The following GNB5 variants were observed in gnomAD, a reference collection of about 807,000 sequenced individuals.
GNB5 encodes guanine nucleotide-binding protein subunit beta-5.
In GNB5, 37 loss-of-function variants were observed where a neutral mutation model predicts 55.3. That is an observed-to-expected ratio of 0.67 (90% CI 0.51 to 0.88). GNB5 has a LOEUF of 0.88. GNB5 is among the 40% of genes least tolerant of loss of function. GNB5 has a pLI of 0.00. For synonymous variants in GNB5, 219 were observed against 198.5 expected, an observed-to-expected ratio of 1.10 and a Z score of -0.87; for missense variants, 476 against 515.3, an observed-to-expected ratio of 0.92 and a Z score of 0.74.
intron 1 of GNB5, among the ~76,000 whole-genome samples, chr15:52,186,013 A>G (rs1229721719): frequency 6.6e-6 from 1 of 152,076 alleles, no homozygotes. Flanking sequence ...TCCTGACCTC[A>G]AGTTATCCAC....
At chr15:52,160,201 G>A (rs1375320218) in intron 3 of GNB5, among the ~76,000 whole-genome samples, 1 of 152,174 alleles carries the variant, frequency 6.6e-6, no homozygotes, top group African/African-American at 2.4e-5. Flanking sequence ...ACCCGCCTCT[G>A]CCTCCCAAAG....
In GNB5 at chr15:52,147,478, C is replaced by T; in HGVS notation, c.475G>A (p.Gly159Arg). 1 of 1,604,488 alleles carries T rather than the reference C, an allele frequency of 6.2e-7. No homozygotes were observed. The highest frequency in any genetic ancestry group is 8.5e-7 in the Non-Finnish European group (1 of 1,171,280). ...WVMACAYAPS[G>R]CAIACGGLDN... ...ACTTACCCACAAGCAATGGCACATC[C>T]CGATGGGGCATAAGCACATGCCATC... Residue 159 changes from glycine (G) to arginine (R), a missense_variant, in exon 6 of 13, where the codon GGA (glycine) becomes AGA (arginine). Coordinates refer to ENST00000261837, the MANE Select transcript of GNB5 (RefSeq NM_016194.4).
chr15:52,136,086 CACACACACACACAGGGAAAAGCAGAAA>C, intron 7 of GNB5, among the ~76,000 whole-genome samples: 1 of 145,690 alleles, frequency 6.9e-6, no homozygotes, highest in Non-Finnish European at 1.5e-5. Context: ...CACACACACA[CACACACACACACAGGGAAAAGCAGAAA>C]ACACACACAC....
At chr15:52,149,839 T>C (rs2034053402) in intron 5 of GNB5, 45 bp downstream of exon 5, 1 of 1,461,140 alleles carries the variant, frequency 6.8e-7, no homozygotes, top group Non-Finnish European at 9.6e-7. Flanking sequence ...TTAAGTAGGC[T>C]GGGATTCTGA....
At chr15:52,132,636 A>ATTTTTTTTTTTTTTTT (rs1216272462) in intron 9 of GNB5, among the ~76,000 whole-genome samples, 3 of 134,796 alleles carry the variant, frequency 2.2e-5, no homozygotes, top group Non-Finnish European at 3.2e-5. Flanking sequence ...TGCCCTGCTA[A>ATTTTTTTTTTTTTTTT]TTTTTTTTTT....
Position 52,119,139 on chromosome 15 carries a change from GGAGA to G in GNB5, c.*3614_*3617del, listed in dbSNP as rs1250372275. ...AGCAGAAGGGGAAGGAAGGAGACCA[GGAGA>G]GAGGTGGAACAGGGAGACAGAGGAA... is the stretch of plus-strand genomic sequence containing the variant. On this transcript the variant is annotated 3_prime_UTR_variant, in exon 13 of 13. Coordinates refer to ENST00000261837, the MANE Select transcript of GNB5 (RefSeq NM_016194.4). The G allele has an allele frequency of 2.1e-5, 3 of 144,158 alleles. No homozygotes were observed. The highest frequency in any genetic ancestry group is 7.9e-5 in the African/African-American group (3 of 37,894). 8.9% of individuals were successfully genotyped at this position (144,158 alleles called of 1,614,324 possible). A position where few individuals can be genotyped will look rare whatever the true frequency, so the allele number is the denominator to read the frequency against.
At chr15:52,167,249 C>T (rs2034467954) in intron 3 of GNB5, among the ~76,000 whole-genome samples, 2 of 152,140 alleles carry the variant, frequency 1.3e-5, no homozygotes, top group Non-Finnish European at 2.9e-5. Context: ...ACCAGAGGTA[C>T]AAAGAGGGGC....
intron 1 of GNB5, among the ~76,000 whole-genome samples, chr15:52,190,790 A>AC (rs2034912668): frequency 1.1e-3 from 1 of 944 alleles, no homozygotes; most frequent in African/African-American, 1.5e-3. Flanking sequence ...AAAAAAAAAA[A>AC]AAAAAAAAAA....
chr15:52,142,003 C>T (rs910692374), intron 6 of GNB5, among the ~76,000 whole-genome samples: 40 of 152,204 alleles, frequency 2.6e-4, no homozygotes, highest in Admixed American at 2.0e-4. Flanking sequence ...GACAGGAAAT[C>T]TTAGATTGGC....
chr15:52,190,444 G>A (rs1402850849), intron 1 of GNB5, among the ~76,000 whole-genome samples: 2 of 152,032 alleles, frequency 1.3e-5, no homozygotes, highest in East Asian at 3.8e-4. Flanking sequence ...ATGGACAAAA[G>A]GCTTGTGTAG....
rs1421460417 is a variant in GNB5 at position 52,147,471 on chromosome 15, G to C, written c.482C>G (p.Ala161Gly). 6.3e-7 allele frequency: 1 copy of C among 1,596,688 alleles called. No individual in the cohort carries two copies. Among genetic ancestry groups the C allele is most frequent in the African/African-American group, 1.3e-5 (1 of 74,534 alleles). Residue 161 changes from alanine (A) to glycine (G), a missense_variant, in exon 6 of 13, where the codon GCC becomes GGC. Physicochemically the swap from Ala to Gly is moderately conservative, Grantham distance 60. Coordinates refer to ENST00000261837, the MANE Select transcript of GNB5 (RefSeq NM_016194.4). ...AGCTCCAACTTACCCACAAGCAATG[G>C]CACATCCCGATGGGGCATAAGCACA... Reference protein sequence around the residue: ...MACAYAPSGCAIACGGLDNKC... With the variant: ...MACAYAPSGCGIACGGLDNKC...
intron 3 of GNB5, among the ~76,000 whole-genome samples, chr15:52,178,779 G>A (rs1441798066): frequency 1.3e-5 from 2 of 152,176 alleles, no homozygotes; most frequent in African/African-American, 4.8e-5. Context: ...AAAGGTAAAG[G>A]CCCTAGCACG....
intron 3 of GNB5, among the ~76,000 whole-genome samples, chr15:52,164,544 C>G (rs894381848): frequency 1.3e-5 from 2 of 151,968 alleles, no homozygotes. Context: ...AGGAGAATGG[C>G]GTCAACCTGG....
rs2033298002 is a variant in GNB5, at chr15:52,122,564, A to G, written c.*193T>C. ...ACTTGAAGGTATTCTCGCAGTGCTG[A>G]AGGCTCACACTAGTGTATTTCCAGA... On this transcript the variant is annotated 3_prime_UTR_variant, in exon 13 of 13. Coordinates refer to ENST00000261837, the MANE Select transcript of GNB5 (RefSeq NM_016194.4). 1.7e-6 allele frequency: 1 copy of G among 592,752 alleles called. No homozygotes were observed. The allele number at this position is 592,752 out of a possible 1,614,324, so 36.7% of individuals were successfully genotyped here.
Position 52,122,736 on chromosome 15 carries a change from G to C in GNB5, c.*21C>G, listed in dbSNP as rs781026237. ...AGATTTCAAATTCTCAGGTATACAT[G>C]AGTGCACTGTCAGAAGATGATTAGG... is the stretch of plus-strand genomic sequence containing the variant. On this transcript the variant is annotated 3_prime_UTR_variant, in exon 13 of 13. Coordinates refer to ENST00000261837, the MANE Select transcript of GNB5 (RefSeq NM_016194.4). 2 of 1,571,730 alleles carry C rather than the reference G, an allele frequency of 1.3e-6. No homozygotes were observed. Among genetic ancestry groups the C allele is most frequent in the Non-Finnish European group, 1.8e-6 (2 of 1,141,416 alleles).
intron 1 of GNB5, among the ~76,000 whole-genome samples, chr15:52,190,778 TAAAAAAAAAAA>T (rs58614125): frequency 2.1e-5 from 2 of 96,932 alleles, no homozygotes; most frequent in Admixed American, 1.0e-4. Context: ...CTTATTTCCT[TAAAAAAAAAAA>T]AAAAAAAAAA....
chr15:52,131,668 G>C (rs185156399), intron 9 of GNB5, among the ~76,000 whole-genome samples: 1 of 152,154 alleles, frequency 6.6e-6, no homozygotes, highest in Non-Finnish European at 1.5e-5. Context: ...TACAATAAGT[G>C]AGTCTTTTTT....
chr15:52,176,963 A>ACT (rs931861667), intron 3 of GNB5, among the ~76,000 whole-genome samples: 30 of 129,202 alleles, frequency 2.3e-4, no homozygotes, highest in African/African-American at 9.1e-4. Flanking sequence ...CTGCCTCCTC[A>ACT]CTCTTCCTCA....
chr15:52,142,074 G>A (rs1156488448), intron 6 of GNB5, among the ~76,000 whole-genome samples: 1 of 152,164 alleles, frequency 6.6e-6, no homozygotes, highest in African/African-American at 2.4e-5. Context: ...TTAAAGTACT[G>A]TAGAACATTT....
Sources: gnomAD v4.1 joint callset for allele counts (sites outside exome capture counted in the v4.1 genomes callset) on GRCh38, gnomAD v4.1.1 for gene constraint, MANE v1.5 for transcripts, NCBI Gene and HGNC (gene_info 2026-07-23, HGNC 2026-07-21) for gene names.